PAX2: variants seen among roughly 807,000 people sequenced by gnomAD.
PAX2 encodes the protein paired box 2.
A neutral mutation model predicts 41.7 loss-of-function variants in PAX2; 9 were observed. That is an observed-to-expected ratio of 0.22 (90% CI 0.13 to 0.38). The LOEUF (loss-of-function observed/expected upper bound fraction) is 0.38, where lower values mean the gene tolerates loss of function less well. Among genes scored for constraint, PAX2 ranks in the 10% least tolerant of loss-of-function variants. PAX2 has a pLI of 1.00. For synonymous variants in PAX2, 221 were observed against 212.7 expected (o/e 1.04, Z -0.34); for missense variants, 418 against 531.6 (o/e 0.79, Z 2.10).
chr10:100,799,735 CAT>C (rs1324584913), intron 5 of PAX2, among the ~76,000 whole-genome samples: 2 of 151,654 alleles, frequency 1.3e-5, no homozygotes, highest in African/African-American at 4.9e-5. Context: ...TTACTTTCTC[CAT>C]AGACAGATAG....
At chr10:100,789,468 C>T (rs1311917969) in intron 5 of PAX2, among the ~76,000 whole-genome samples, 3 of 152,182 alleles carry the variant, frequency 2.0e-5, no homozygotes, top group Admixed American at 6.5e-5. Context: ...TATGATTTCA[C>T]ACACTGTACT....
rs767580764 is a variant in PAX2 at position 100,827,102 on chromosome 10, A to T, written c.1108+7A>T. The T allele has an allele frequency of 2.5e-6, 4 of 1,607,218 alleles. No individual in the cohort carries two copies. The highest frequency in any genetic ancestry group is 2.7e-5 in the African/African-American group (2 of 74,752). On this transcript the variant is annotated splice_region_variant and intron_variant, in intron 9 of 9. Transcript: ENST00000355243. This position sits in a 1 kb window ranked among gnomAD's most constrained non-coding sequence, Gnocchi z 8.5. ...AGCAACCCCGCCTTACTAAGTGAGT[A>T]CGCCACCTGGCTGGCCGGCGGCTCA...
chr10:100,766,962 C>T (rs181603406), intron 3 of PAX2, among the ~76,000 whole-genome samples: 13 of 152,298 alleles, frequency 8.5e-5, no homozygotes, highest in African/African-American at 3.1e-4. Flanking sequence ...ACAGACACTG[C>T]CACCAAACAA....
At chr10:100,756,754 C>G (rs957106184) in intron 3 of PAX2, among the ~76,000 whole-genome samples, 1 of 152,182 alleles carries the variant, frequency 6.6e-6, no homozygotes, top group Admixed American at 6.5e-5. Context: ...AATGCTCATC[C>G]GACCTGCCAG....
At chr10:100,743,453 C>T (rs1205283265), upstream of PAX2, among the ~76,000 whole-genome samples, 5 of 152,098 alleles carry the variant, frequency 3.3e-5, no homozygotes, top group Admixed American at 6.5e-5. Flanking sequence ...CAGCTTTCTT[C>T]CTTCAATAGT....
chr10:100,804,295 C>CACAG (rs1396220324), intron 5 of PAX2, among the ~76,000 whole-genome samples: 3 of 151,036 alleles, frequency 2.0e-5, no homozygotes, highest in African/African-American at 4.9e-5. Flanking sequence ...CACACACACA[C>CACAG]AGACACAGTG....
At position 100,766,079 on chromosome 10, in the gene PAX2, G is replaced by T. The variant is rs1009228484; in HGVS notation, c.411-13419G>T. Among the ~76,000 whole-genome samples the T allele has an allele frequency of 2.6e-5, 4 of 152,226 alleles. No individual in the cohort carries two copies. The East Asian group carries it at 5.8e-4, about 22-fold the overall frequency. On this transcript the variant is annotated intron_variant, in intron 3 of 9. Coordinates refer to ENST00000355243, the MANE Select transcript of PAX2 (RefSeq NM_000278.5). ...ATAGATGAGGTAGCTGGAGTACAGA[G>T]AAGTTAAATAACTTGCTCAAGGTCA... is the stretch of plus-strand genomic sequence containing the variant.
At chr10:100,781,163 GC>G (rs924951775) in intron 4 of PAX2, 82 bp from the exon 5 acceptor site, 8 of 1,383,584 alleles carry the variant, frequency 5.8e-6, no homozygotes, top group East Asian at 2.3e-5. Context: ...GCTTCTCTCT[GC>G]CCCCCAGCCT....
rs74736494 is a variant in PAX2 at position 100,736,365 on chromosome 10, C to T, written c.25+632C>T. 2.1e-3 allele frequency among the ~76,000 whole-genome samples: 322 copies of T among 152,232 alleles called. 3 individuals carry two copies. The highest frequency in any genetic ancestry group is 7.4e-3 in the African/African-American group (308 of 41,526). ...AGTGTTGCTCTCTTTTTCTTCCTTCCTTCGCTTGTCCCCCAGGCTGCCAAC... is the reference window on the plus strand; with the variant it reads ...AGTGTTGCTCTCTTTTTCTTCCTTCTTTCGCTTGTCCCCCAGGCTGCCAAC... On this transcript the variant is annotated intron_variant, in intron 1 of 9. Coordinates refer to the PAX2 transcript ENST00000679374.
intron 3 of PAX2, 81 bp from the exon 4 acceptor site, chr10:100,779,417 G>T (rs889144026): frequency 1.5e-5 from 18 of 1,165,236 alleles, no homozygotes; most frequent in Non-Finnish European, 1.9e-5. Context: ...TTGGGAGAGA[G>T]CCCCTTTGCA....
rs758945096 is a variant in PAX2 at position 100,827,031 on chromosome 10, G to A, written c.1044G>A (p.Pro348=). The change falls in exon 9 of 10, where the codon CCG becomes CCA. Residue 348 remains proline, a synonymous_variant. Transcript: ENST00000355243. This position sits in a 1 kb window ranked among gnomAD's most constrained non-coding sequence, Gnocchi z 8.5. ...CAGGGAGCGAGTTCTCCGGCAACCC[G>A]TACAGCCACCCCCAGTACACGGCCT... is the stretch of plus-strand genomic sequence containing the variant. ...MVPGSEFSGN[P]YSHPQYTAYN... 6.2e-7 allele frequency: 1 copy of A among 1,613,548 alleles called. No homozygotes were observed. The highest frequency in any genetic ancestry group is 1.7e-5 in the Admixed American group (1 of 60,018).
intron 5 of PAX2, among the ~76,000 whole-genome samples, chr10:100,789,112 C>G (rs1296625792): frequency 6.6e-6 from 1 of 152,110 alleles, no homozygotes; most frequent in East Asian, 1.9e-4. Context: ...GCTTCTCTCT[C>G]TCTCTTTTTT....
intron 3 of PAX2, among the ~76,000 whole-genome samples, chr10:100,756,806 C>T (rs1589820378): frequency 1.3e-5 from 2 of 152,214 alleles, no homozygotes; most frequent in Admixed American, 6.5e-5. Context: ...TTCCCCCGCC[C>T]CTCCAAGCCA....
chr10:100,784,256 G>A (rs1846757761), intron 5 of PAX2, among the ~76,000 whole-genome samples: 1 of 152,256 alleles, frequency 6.6e-6, no homozygotes, highest in African/African-American at 2.4e-5. Context: ...GTCACAGAAG[G>A]CAGCCTCGGG....
exon 1 of PAX2, chr10:100,735,678 C>T (rs1447843452): frequency 1.9e-6 from 2 of 1,058,282 alleles, no homozygotes; most frequent in Non-Finnish European, 1.1e-6. Context: ...CAGACCCAGC[C>T]CCAGGACGCG....
upstream of PAX2, among the ~76,000 whole-genome samples, chr10:100,743,933 T>G (rs1020988031): frequency 6.6e-6 from 1 of 152,112 alleles, no homozygotes; most frequent in Non-Finnish European, 1.5e-5. Context: ...ACCCCGCAGG[T>G]GGATTAAGCT....
At chr10:100,745,445 G>A (rs1845117052), upstream of PAX2, among the ~76,000 whole-genome samples, 2 of 150,974 alleles carry the variant, frequency 1.3e-5, no homozygotes, top group South Asian at 4.3e-4. Flanking sequence ...CGGGGCTCCA[G>A]CGCTGGCGAA....
intron 3 of PAX2, among the ~76,000 whole-genome samples, chr10:100,758,111 A>T (rs563476301): frequency 6.6e-6 from 1 of 151,264 alleles, no homozygotes; most frequent in South Asian, 2.1e-4. Flanking sequence ...ATAGAAAGAG[A>T]GCAGGGCAGG....
chr10:100,759,213 C>T (rs1845750573), intron 3 of PAX2, among the ~76,000 whole-genome samples: 1 of 152,120 alleles, frequency 6.6e-6, no homozygotes, highest in African/African-American at 2.4e-5. Flanking sequence ...GTAGTACAGG[C>T]TGATGGGCCC....
Sources: allele counts gnomAD v4.1 joint callset (sites outside exome capture counted in the v4.1 genomes callset), GRCh38; gene constraint gnomAD v4.1.1; non-coding constraint Gnocchi (gnomAD v3.1); transcripts MANE v1.5; gene names NCBI Gene and HGNC (gene_info 2026-07-23, HGNC 2026-07-21).